SORL1: variants seen among roughly 807,000 people sequenced by gnomAD.
SORL1 encodes the protein sortilin-related receptor.
SORL1 carries 127 observed loss-of-function variants against 273.7 expected under a neutral mutation model. The observed-to-expected ratio is 0.46, with a 90% CI of 0.40 to 0.54. The LOEUF (loss-of-function observed/expected upper bound fraction) is 0.54, where lower values mean the gene tolerates loss of function less well. Ranked by LOEUF, SORL1 falls within the 20% of genes least tolerant of loss-of-function variation. The pLI is 0.00. For synonymous variants in SORL1, 1,031 were observed against 1,067.4 expected (o/e 0.97, Z 0.66); for missense variants, 2,494 against 2,846.1 (o/e 0.88, Z 2.81).
chr11:121,586,705 C>CG (rs55663874), intron 27 of SORL1, among the ~76,000 whole-genome samples: 11 of 102,126 alleles, frequency 1.1e-4, no homozygotes, highest in African/African-American at 3.4e-4. Context: ...GGGGGGGGGG[C>CG]GGGGGGGGGG....
Position 121,513,023 on chromosome 11 carries a change from G to T in SORL1, c.960G>T (p.Gln320His), listed in dbSNP as rs1170196834. The T allele has an allele frequency of 6.2e-7, 1 of 1,613,886 alleles. No individual in the cohort carries two copies. Among genetic ancestry groups the T allele is most frequent in the Non-Finnish European group, 8.5e-7 (1 of 1,179,920 alleles). The stretch of plus-strand genomic sequence containing the variant: ...GGCAGCATCTCTTGGGCAGTGAACA[G>T]CAGTCTTCTGTCCAGCTCTGGGTCT... ...TKVVHLLGSE[Q>H]QSSVQLWVSF... The change falls in exon 7 of 48, where the codon CAG becomes CAT. Residue 320 changes from glutamine to histidine, a missense_variant. Coordinates refer to ENST00000260197, the MANE Select transcript of SORL1 (RefSeq NM_003105.6).
At chr11:121,534,571 G>A (rs1307678549) in intron 12 of SORL1, among the ~76,000 whole-genome samples, 2 of 152,206 alleles carry the variant, frequency 1.3e-5, no homozygotes, top group Non-Finnish European at 2.9e-5. Context: ...ATACATACAA[G>A]CCTCCTATTG....
intron 12 of SORL1, among the ~76,000 whole-genome samples, chr11:121,535,633 G>T (rs1862256484): frequency 6.6e-6 from 1 of 151,746 alleles, no homozygotes; most frequent in Non-Finnish European, 1.5e-5. Context: ...TTGTAGTGGG[G>T]ACAGCAATTG....
chr11:121,531,948 G>T (rs887440390), intron 11 of SORL1, among the ~76,000 whole-genome samples: 1 of 152,182 alleles, frequency 6.6e-6, no homozygotes, highest in African/African-American at 2.4e-5. Context: ...AGCTTTACCA[G>T]GATATTCATG....
Position 121,595,610 on chromosome 11 carries a change from T to A in SORL1, c.4370-13T>A. ...AATATTAAAAAGTAAATTTTAAAAATCTTTTATTTTAGCAAACGTCACTGC... is the reference window on the plus strand; with the variant it reads ...AATATTAAAAAGTAAATTTTAAAAAACTTTTATTTTAGCAAACGTCACTGC... On this transcript the variant is annotated splice_polypyrimidine_tract_variant and intron_variant, in intron 31 of 47. Coordinates refer to ENST00000260197, the MANE Select transcript of SORL1 (RefSeq NM_003105.6). This position sits in a 1 kb window ranked among gnomAD's most constrained non-coding sequence, Gnocchi z 5.1. 6.4e-7 allele frequency: 1 copy of A among 1,554,784 alleles called. No homozygotes were observed. The highest frequency in any genetic ancestry group is 1.2e-5 in the South Asian group (1 of 84,468).
chr11:121,547,986 A>AT (rs1326403011), intron 14 of SORL1, among the ~76,000 whole-genome samples: 1 of 152,126 alleles, frequency 6.6e-6, no homozygotes, highest in Non-Finnish European at 1.5e-5. Flanking sequence ...ATGTTTCCTG[A>AT]TTTCCATGGT....
intron 22 of SORL1, among the ~76,000 whole-genome samples, chr11:121,569,948 G>GCTGT (rs1409491329): frequency 7.2e-5 from 11 of 151,786 alleles, no homozygotes; most frequent in Non-Finnish European, 1.5e-4. Context: ...CTTTTTTTAC[G>GCTGT]CTGTCCCTTT....
At chr11:121,474,550 T>C (rs1861229909) in intron 2 of SORL1, among the ~76,000 whole-genome samples, 2 of 152,066 alleles carry the variant, frequency 1.3e-5, no homozygotes, top group Non-Finnish European at 2.9e-5. Flanking sequence ...TCTTTGTAGG[T>C]AAAAAAGGAT....
chr11:121,506,039 C>T (rs559770496), intron 6 of SORL1, among the ~76,000 whole-genome samples: 34 of 152,262 alleles, frequency 2.2e-4, no homozygotes, highest in African/African-American at 7.9e-4. Flanking sequence ...GGAAAATCTT[C>T]AACTGTTGAA....
chr11:121,542,960 G>A (rs1344717685), intron 12 of SORL1, among the ~76,000 whole-genome samples: 3 of 151,012 alleles, frequency 2.0e-5, no homozygotes, highest in Non-Finnish European at 4.4e-5. Context: ...GGCGGATCAC[G>A]AGGTCAGGAG....
At chr11:121,622,470 G>T (rs1863737306) in intron 45 of SORL1, among the ~76,000 whole-genome samples, 1 of 152,250 alleles carries the variant, frequency 6.6e-6, no homozygotes. Context: ...GCCCGTTAAA[G>T]ATGAGAATCT....
rs147008552 is a variant in SORL1, at chr11:121,470,219, T to A, written c.402+96T>A. 400 of 805,374 alleles carry A rather than the reference T, an allele frequency of 5.0e-4. No homozygotes were observed. The African/African-American group carries it at 5.5e-3, about 11-fold the overall frequency. The allele number at this position is 805,374 out of a possible 1,614,324, so 49.9% of individuals were successfully genotyped here. A position where few individuals can be genotyped will look rare whatever the true frequency, so the allele number is the denominator to read the frequency against. On this transcript the variant is annotated intron_variant, in intron 2 of 47. Coordinates refer to ENST00000260197, the MANE Select transcript of SORL1 (RefSeq NM_003105.6). ...TCATACTGGAAAAAGTAGTGGGTAA[T>A]TGGAACATGGAATGGATGAATTGTA...
Position 121,488,199 on chromosome 11 carries a change from A to G in SORL1, c.690+6A>G, listed in dbSNP as rs989021919. 6.2e-7 allele frequency: 1 copy of G among 1,613,036 alleles called. No homozygotes were observed. On this transcript the variant is annotated splice_donor_region_variant and intron_variant, in intron 4 of 47. Coordinates refer to ENST00000260197, the MANE Select transcript of SORL1 (RefSeq NM_003105.6). ...GGTCCCACCCCAACAAGCAGGTAAG[A>G]GGGCTTTCAGAACCCAGTTGCATGG... is the stretch of plus-strand genomic sequence containing the variant.
Position 121,623,015 on chromosome 11 carries a change from T to C in SORL1, c.6171+747T>C, listed in dbSNP as rs186878104. On this transcript the variant is annotated intron_variant, in intron 45 of 47. Coordinates refer to ENST00000260197, the MANE Select transcript of SORL1 (RefSeq NM_003105.6). ...GTGCAATACCAAAGCAAAGTGAAAT[T>C]AAAATTGGAAAATTCTCACCACACA... Among the ~76,000 whole-genome samples, 1,020 of 152,320 alleles carry C rather than the reference T, an allele frequency of 6.7e-3. 43 individuals carry two copies. Among genetic ancestry groups the C allele is most frequent in the Admixed American group, 0.062 (944 of 15,302 alleles).
intron 45 of SORL1, among the ~76,000 whole-genome samples, chr11:121,623,891 G>A (rs1041558658): frequency 1.3e-5 from 2 of 152,226 alleles, no homozygotes; most frequent in African/African-American, 4.8e-5. Flanking sequence ...ACCCAAGCCT[G>A]GGTAATTTAT....
At chr11:121,491,406 G>T (rs1164253509) in intron 5 of SORL1, among the ~76,000 whole-genome samples, 1 of 152,148 alleles carries the variant, frequency 6.6e-6, no homozygotes, top group Non-Finnish European at 1.5e-5. Context: ...TACATGTGCA[G>T]GCAAATGTGT....
At chr11:121,621,315 CT>C in intron 44 of SORL1, 77 bp downstream of exon 44, 2 of 1,316,722 alleles carry the variant, frequency 1.5e-6, no homozygotes, top group Non-Finnish European at 2.1e-6. Context: ...CAGAGACAGA[CT>C]TTTCATTAGG....
At chr11:121,587,684 T>C (rs544468039) in intron 27 of SORL1, among the ~76,000 whole-genome samples, 3 of 152,290 alleles carry the variant, frequency 2.0e-5, no homozygotes, top group Non-Finnish European at 4.4e-5. Context: ...ATGCTTGAGA[T>C]TGGGGGTTTG....
chr11:121,559,965 T>C, intron 21 of SORL1, among the ~76,000 whole-genome samples: 1 of 152,240 alleles, frequency 6.6e-6, no homozygotes, highest in Non-Finnish European at 1.5e-5. Context: ...AGTCCTAACA[T>C]GTGCTTAATC....
Sources: gnomAD v4.1 joint callset for allele counts (sites outside exome capture counted in the v4.1 genomes callset) on GRCh38, gnomAD v4.1.1 for gene constraint, Gnocchi (gnomAD v3.1) non-coding constraint, MANE v1.5 for transcripts, NCBI Gene and HGNC (gene_info 2026-07-23, HGNC 2026-07-21) for gene names.